The following TRIP12 variants were observed in gnomAD, a reference collection of about 807,000 sequenced individuals.
The protein encoded by TRIP12 is thyroid hormone receptor interactor 12, also known as E3 ubiquitin-protein ligase TRIP12.
A neutral mutation model predicts 244.2 loss-of-function variants in TRIP12; 25 were observed. That is an observed-to-expected ratio of 0.10 (90% confidence interval 0.07 to 0.14). TRIP12 has a LOEUF of 0.14. Ranked by LOEUF, TRIP12 falls within the 10% of genes least tolerant of loss-of-function variation. The pLI is 1.00. For missense variants in TRIP12, 1,677 were observed against 2,486.4 expected (o/e 0.67, Z 6.92); for synonymous variants, 905 against 873.1 (o/e 1.04, Z -0.64).
chr2:229,810,626 T>C (rs1006392143), intron 15 of TRIP12, among the ~76,000 whole-genome samples: 1 of 152,188 alleles, frequency 6.6e-6, no homozygotes, highest in Non-Finnish European at 1.5e-5. Context: ...TAACATGGCA[T>C]AGATATTAAT....
At chr2:229,849,786 CTGTT>C (rs1448475101) in intron 4 of TRIP12, among the ~76,000 whole-genome samples, 2 of 151,918 alleles carry the variant, frequency 1.3e-5, no homozygotes, top group Non-Finnish European at 1.5e-5. Context: ...GGTGGGAACA[CTGTT>C]TGAATCTTTT....
At chr2:229,851,712 AG>A (rs2058740754) in intron 4 of TRIP12, among the ~76,000 whole-genome samples, 1 of 152,164 alleles carries the variant, frequency 6.6e-6, no homozygotes, top group Admixed American at 6.5e-5. Flanking sequence ...ACCGGGAGGA[AG>A]GAACAACTCC....
intron 1 of TRIP12, among the ~76,000 whole-genome samples, chr2:229,899,412 T>G (rs1459357146): frequency 1.3e-5 from 2 of 152,162 alleles, no homozygotes; most frequent in Non-Finnish European, 2.9e-5. Flanking sequence ...TAGAATAAAC[T>G]AGACCAAGAT....
Position 229,799,294 on chromosome 2 carries a change from A to G in TRIP12, c.3296T>C (p.Val1099Ala). ...ATCAAAGGGGTTACCTTGATTGTCTACTTTGTCATCATCTCTTGGAGGTGA... is the reference window on the plus strand; with the variant it reads ...ATCAAAGGGGTTACCTTGATTGTCTGCTTTGTCATCATCTCTTGGAGGTGA... ...KYSPPRDDDK[V>A]DNQAKSPTTT... The change falls in exon 22 of 42, where the codon GTA (valine) becomes GCA (alanine). Residue 1099 changes from valine (V) to alanine (A), a missense_variant. This residue lies in a region of TRIP12 where 572 missense variants were observed against 867.8 expected (regional missense o/e 0.66). Transcript: ENST00000675903. The G allele has an allele frequency of 6.2e-7, 1 of 1,614,062 alleles. No individual in the cohort carries two copies. The highest frequency in any genetic ancestry group is 8.5e-7 in the Non-Finnish European group (1 of 1,180,000).
intron 2 of TRIP12, among the ~76,000 whole-genome samples, chr2:229,874,049 T>TA (rs796344448): frequency 0.018 from 2,481 of 141,108 alleles, 58 homozygotes; most frequent in African/African-American, 0.058. Context: ...AAATAAACCA[T>TA]AAAAAAAAAA....
In TRIP12 at chr2:229,836,853, G is replaced by C. The variant is rs1482287557; in HGVS notation, c.1265C>G (p.Ala422Gly). The change falls in exon 6 of 42, where the codon GCT becomes GGT. Residue 422 changes from alanine to glycine, a missense_variant. By Grantham distance (60) the Ala-to-Gly change is moderately conservative. Around this residue, in one of 11 missense-constraint regions of TRIP12, gnomAD observed 143 missense variants for 215.6 expected, o/e 0.66. Transcript: ENST00000675903. ...AARTDEAPQGAAASSSVAGAV... is the reference protein window; with the variant it reads ...AARTDEAPQGGAASSSVAGAV... Reference sequence around the variant, plus strand: ...GCTAAGAAGTACCAATCTACCTGCAGCTCCTTGGGGAGCTTCATCTGTCCG... The same window carrying C: ...GCTAAGAAGTACCAATCTACCTGCACCTCCTTGGGGAGCTTCATCTGTCCG... 6.3e-7 allele frequency: 1 copy of C among 1,588,868 alleles called. No homozygotes were observed.
intron 1 of TRIP12, among the ~76,000 whole-genome samples, chr2:229,886,010 C>G (rs2065930523): frequency 6.6e-6 from 1 of 151,978 alleles, no homozygotes; most frequent in East Asian, 1.9e-4. Context: ...TAAGTACAAT[C>G]TTAAAGAAAA....
At chr2:229,858,687 A>T (rs972066429) in intron 4 of TRIP12, 85 bp downstream of exon 4, 15 of 1,215,598 alleles carry the variant, frequency 1.2e-5, no homozygotes, top group African/African-American at 4.6e-5. Context: ...GGGGGAAAAA[A>T]CCCTTAACTT....
chr2:229,895,012 CA>C (rs1370889070), intron 1 of TRIP12, among the ~76,000 whole-genome samples: 3 of 152,120 alleles, frequency 2.0e-5, no homozygotes, highest in South Asian at 4.1e-4. Context: ...ACAGAATATA[CA>C]TAACACTCAA....
intron 1 of TRIP12, among the ~76,000 whole-genome samples, chr2:229,908,701 C>T (rs2073552305): frequency 6.6e-6 from 1 of 151,692 alleles, no homozygotes; most frequent in Admixed American, 6.6e-5. Context: ...CCACTACACT[C>T]CAGCCTGGGT....
At chr2:229,917,437 T>G (rs2154382308) in intron 1 of TRIP12, among the ~76,000 whole-genome samples, 1 of 134,054 alleles carries the variant, frequency 7.5e-6, no homozygotes, top group East Asian at 2.3e-4. Context: ...GCACTAAGAT[T>G]ATATACAACA....
chr2:229,849,451 G>C (rs1457069125), intron 4 of TRIP12, among the ~76,000 whole-genome samples: 1 of 152,076 alleles, frequency 6.6e-6, no homozygotes, highest in Non-Finnish European at 1.5e-5. Context: ...CAAACACTTG[G>C]GGGTGGGGGA....
chr2:229,823,552 T>C (rs1198763636), intron 8 of TRIP12, among the ~76,000 whole-genome samples: 3 of 151,954 alleles, frequency 2.0e-5, no homozygotes, highest in Non-Finnish European at 4.4e-5. Flanking sequence ...GGCAGGCACC[T>C]GTAGTCCCAG....
intron 4 of TRIP12, among the ~76,000 whole-genome samples, chr2:229,856,761 A>G (rs1280394238): frequency 6.6e-6 from 1 of 152,244 alleles, no homozygotes; most frequent in African/African-American, 2.4e-5. Flanking sequence ...TTATCAATAA[A>G]GCATTGGAAG....
intron 2 of TRIP12, among the ~76,000 whole-genome samples, chr2:229,875,089 C>G (rs540172660): frequency 1.3e-5 from 2 of 151,602 alleles, no homozygotes; most frequent in Non-Finnish European, 2.9e-5. Context: ...AAAAAGAGAA[C>G]AGAAAAGAGA....
At chr2:229,855,002 G>A (rs1276376703) in intron 4 of TRIP12, among the ~76,000 whole-genome samples, 2 of 152,210 alleles carry the variant, frequency 1.3e-5, no homozygotes, top group Non-Finnish European at 2.9e-5. Flanking sequence ...AGTAGCTTAT[G>A]CCTGTAATCC....
intron 21 of TRIP12, among the ~76,000 whole-genome samples, chr2:229,799,771 T>TC: frequency 6.9e-6 from 1 of 144,332 alleles, no homozygotes; most frequent in South Asian, 2.1e-4. Flanking sequence ...AGACTCCATC[T>TC]CAAAAAAAAA....
At chr2:229,851,719 A>C (rs1388577105) in intron 4 of TRIP12, among the ~76,000 whole-genome samples, 1 of 151,658 alleles carries the variant, frequency 6.6e-6, no homozygotes, top group African/African-American at 2.4e-5. Flanking sequence ...GGAAGGAACA[A>C]CTCCAGACGT....
intron 2 of TRIP12, among the ~76,000 whole-genome samples, chr2:229,874,092 A>G (rs368790014): frequency 6.6e-6 from 1 of 152,200 alleles, no homozygotes; most frequent in East Asian, 1.9e-4. Flanking sequence ...TAGTGAATCA[A>G]CACCTTTCAC....
Sources: allele counts gnomAD v4.1 joint callset (sites outside exome capture counted in the v4.1 genomes callset), GRCh38; gene constraint gnomAD v4.1.1; regional missense constraint gnomAD v4.1.1; transcripts MANE v1.5; gene names NCBI Gene and HGNC (gene_info 2026-07-23, HGNC 2026-07-21).